RERE: variants seen among roughly 807,000 people sequenced by gnomAD.
RERE encodes arginine-glutamic acid dipeptide repeats, also known as arginine-glutamic acid dipeptide repeats protein.
A neutral mutation model predicts 146.1 loss-of-function variants in RERE; 40 were observed. The observed-to-expected ratio is 0.27, with a 90% CI of 0.21 to 0.36. The LOEUF is 0.36. Among genes scored for constraint, RERE ranks in the 10% least tolerant of loss-of-function variants. The pLI is 1.00. For missense variants in RERE, 1,933 were observed against 2,138.7 expected (o/e 0.90, Z 1.90); for synonymous variants, 1,003 against 866.0 (o/e 1.16, Z -2.78).
chr1:8,432,509 TAC>T (rs1422151276), intron 11 of RERE, among the ~76,000 whole-genome samples: 2 of 152,192 alleles, frequency 1.3e-5, no homozygotes, highest in Non-Finnish European at 2.9e-5. Flanking sequence ...ACTCTATCCC[TAC>T]ACAGAGTCCG....
chr1:8,412,750 T>A (rs1037852589), intron 12 of RERE, among the ~76,000 whole-genome samples: 1 of 152,196 alleles, frequency 6.6e-6, no homozygotes, highest in African/African-American at 2.4e-5. Context: ...GAAGGACCAG[T>A]GTGGCAGAGT....
chr1:8,735,677 C>T (rs889805941), intron 1 of RERE, among the ~76,000 whole-genome samples: 4 of 152,102 alleles, frequency 2.6e-5, no homozygotes, highest in East Asian at 1.9e-4. Context: ...GATCACGGGG[C>T]GGTTTCTCAT....
intron 1 of RERE, among the ~76,000 whole-genome samples, chr1:8,803,480 TA>T (rs916341027): frequency 6.7e-6 from 1 of 150,102 alleles, no homozygotes; most frequent in East Asian, 1.9e-4. Flanking sequence ...AAAATAAAAA[TA>T]AAAAAAAAGA....
intron 1 of RERE, among the ~76,000 whole-genome samples, chr1:8,809,033 G>A (rs931260552): frequency 1.3e-5 from 2 of 151,756 alleles, no homozygotes; most frequent in Admixed American, 1.3e-4. Flanking sequence ...AGCTACTCAG[G>A]AGGCTGAGGC....
At chr1:8,492,346 T>C (rs952637568) in intron 10 of RERE, among the ~76,000 whole-genome samples, 1 of 152,218 alleles carries the variant, frequency 6.6e-6, no homozygotes, top group African/African-American at 2.4e-5. Context: ...ATAAATCATA[T>C]ACATTCAAGA....
intron 1 of RERE, among the ~76,000 whole-genome samples, chr1:8,716,957 G>A (rs935636693): frequency 6.6e-6 from 1 of 151,914 alleles, no homozygotes; most frequent in Non-Finnish European, 1.5e-5. Context: ...TTGGCCCCTC[G>A]ATAATAATAA....
intron 1 of RERE, among the ~76,000 whole-genome samples, chr1:8,804,630 C>T (rs1049167610): frequency 1.3e-5 from 2 of 152,130 alleles, no homozygotes; most frequent in African/African-American, 2.4e-5. Context: ...ACAGCAGAAG[C>T]GATATGTACA....
At chr1:8,450,804 C>T (rs928657519) in intron 11 of RERE, among the ~76,000 whole-genome samples, 8 of 152,200 alleles carry the variant, frequency 5.3e-5, no homozygotes, top group African/African-American at 1.9e-4. Context: ...CTGTGACCAG[C>T]ACCAAAGTCT....
chr1:8,777,868 TA>T (rs1641097699), intron 1 of RERE, among the ~76,000 whole-genome samples: 1 of 147,606 alleles, frequency 6.8e-6, no homozygotes, highest in Non-Finnish European at 1.5e-5. Context: ...AAGTATATGG[TA>T]TAAAAATAAA....
Position 8,365,961 on chromosome 1 carries a change from G to A in RERE, c.1298C>T (p.Thr433Ile), listed in dbSNP as rs904417496. The part of the protein sequence containing the change: ...LPNKETGELI[T>I]FYYYWKKTPE... ...GGTCTTCTTCCAATAGTAATAGAAG[G>A]TGATCAGCTCCCCCTGCAGAAGAGA... The change falls in exon 13 of 23, where the codon ACC becomes ATC. Residue 433 changes from threonine (T) to isoleucine (I), a missense_variant. This residue lies in a region of RERE where 260 missense variants were observed against 378.4 expected (regional missense o/e 0.69). Coordinates refer to ENST00000400908, the MANE Select transcript of RERE (RefSeq NM_001042681.2). The A allele has an allele frequency of 3.7e-6, 6 of 1,613,382 alleles. No individual in the cohort carries two copies. The highest frequency in any genetic ancestry group is 5.1e-6 in the Non-Finnish European group (6 of 1,180,024).
chr1:8,642,478 G>A (rs762268821), intron 2 of RERE, among the ~76,000 whole-genome samples: 1 of 152,170 alleles, frequency 6.6e-6, no homozygotes, highest in African/African-American at 2.4e-5. Context: ...TCACTTGTAA[G>A]TCTAATTAAC....
At chr1:8,788,794 C>G (rs949215302) in intron 1 of RERE, among the ~76,000 whole-genome samples, 1 of 151,422 alleles carries the variant, frequency 6.6e-6, no homozygotes, top group Non-Finnish European at 1.5e-5. Flanking sequence ...GATTCAGGAG[C>G]AAACAAGACT....
intron 10 of RERE, among the ~76,000 whole-genome samples, chr1:8,479,322 T>C (rs1222253771): frequency 6.6e-6 from 1 of 151,784 alleles, no homozygotes; most frequent in African/African-American, 2.4e-5. Context: ...TTTTTTTAAA[T>C]TTCAAAATAA....
chr1:8,449,937 A>C (rs1296529789), intron 11 of RERE, among the ~76,000 whole-genome samples: 1 of 152,212 alleles, frequency 6.6e-6, no homozygotes, highest in Non-Finnish European at 1.5e-5. Flanking sequence ...TCACTTTTAT[A>C]GCTATACAAC....
chr1:8,388,526 A>G (rs1012690583), intron 12 of RERE, among the ~76,000 whole-genome samples: 12 of 151,668 alleles, frequency 7.9e-5, no homozygotes, highest in Admixed American at 5.3e-4. Context: ...TCACCTTGTT[A>G]GCCAGGATGG....
chr1:8,464,935 G>C (rs1644576858), intron 11 of RERE: 1 of 152,212 alleles, frequency 6.6e-6, no homozygotes, highest in Admixed American at 6.5e-5. Flanking sequence ...AAATATTGCT[G>C]AATCAATGAA....
intron 1 of RERE, among the ~76,000 whole-genome samples, chr1:8,747,095 G>A (rs1015171087): frequency 7.9e-5 from 12 of 152,000 alleles, no homozygotes; most frequent in Admixed American, 4.6e-4. Context: ...TCCGCCTCCC[G>A]GGTCCACGCC....
intron 5 of RERE, among the ~76,000 whole-genome samples, chr1:8,557,179 G>C (rs916157345): frequency 1.3e-5 from 2 of 152,158 alleles, no homozygotes; most frequent in Admixed American, 1.3e-4. Context: ...CTTAGACAAT[G>C]CATGGCCCCA....
Position 8,457,579 on chromosome 1 carries a change from GACTT to G in RERE, c.1203+8342_1203+8345del, listed in dbSNP as rs977223064. On this transcript the variant is annotated intron_variant, in intron 11 of 22. Coordinates refer to ENST00000400908, the MANE Select transcript of RERE (RefSeq NM_001042681.2). ...GCCATCACTACTTCTACCTAAGGGA[GACTT>G]ACTTACTTACTTTATATATTTATTT... Among the ~76,000 whole-genome samples, 70 of 152,138 alleles carry G rather than the reference GACTT, an allele frequency of 4.6e-4. 1 individual carries two copies. The highest frequency in any genetic ancestry group is 1.5e-3 in the African/African-American group (63 of 41,504).
Sources: allele counts gnomAD v4.1 joint callset (sites outside exome capture counted in the v4.1 genomes callset), GRCh38; gene constraint gnomAD v4.1.1; regional missense constraint gnomAD v4.1.1; transcripts MANE v1.5; gene names NCBI Gene and HGNC (gene_info 2026-07-23, HGNC 2026-07-21).